LDLRAD3: variants seen among roughly 807,000 people sequenced by gnomAD.
LDLRAD3 encodes low-density lipoprotein receptor class A domain-containing protein 3.
A neutral mutation model predicts 29.4 loss-of-function variants in LDLRAD3; 20 were observed. The observed-to-expected ratio is 0.68, with a 90% CI of 0.48 to 0.99. The LOEUF is 0.99. LDLRAD3 is among the 50% of genes least tolerant of loss of function. The probability of loss-of-function intolerance (pLI) is 0.00; values close to 1 mark genes in which losing one functional copy is unlikely to be tolerated. For synonymous variants in LDLRAD3, 157 were observed against 192.7 expected, an observed-to-expected ratio of 0.81 and a Z score of 1.53; for missense variants, 420 against 454.3, an observed-to-expected ratio of 0.92 and a Z score of 0.69.
chr11:36,111,082 GGGGCCCCCTCCCTGCA>G (rs1405831996), intron 4 of LDLRAD3, among the ~76,000 whole-genome samples: 2 of 152,228 alleles, frequency 1.3e-5, no homozygotes, highest in East Asian at 3.9e-4. Flanking sequence ...CTGACTGCTG[GGGGCCCCCTCCCTGCA>G]GGATCCAATG....
rs1216242273 is a variant in LDLRAD3 at position 36,227,146 on chromosome 11, C to T, written c.516C>T (p.Ile172=). Residue 172 remains isoleucine, a synonymous_variant, in exon 5 of 6, where the codon ATC becomes ATT. Coordinates refer to ENST00000315571, the MANE Select transcript of LDLRAD3 (RefSeq NM_174902.4). ...SENQLVYYPS[I]TYAIIGSSVI... ...ACCAACTTGTGTATTACCCCAGCAT[C>T]ACCTATGCCATCATCGGCAGCTCCG... 2 of 1,613,604 alleles carry T rather than the reference C, an allele frequency of 1.2e-6. No individual in the cohort carries two copies. The highest frequency in any genetic ancestry group is 1.7e-5 in the Admixed American group (1 of 59,936).
intron 4 of LDLRAD3, among the ~76,000 whole-genome samples, chr11:36,176,372 G>T (rs890172706): frequency 6.6e-6 from 1 of 151,716 alleles, no homozygotes; most frequent in South Asian, 2.1e-4. Context: ...ACCTTGTGGG[G>T]TTCTTTTTTT....
At chr11:36,212,972 G>GA (rs1855303463) in intron 4 of LDLRAD3, among the ~76,000 whole-genome samples, 1 of 152,160 alleles carries the variant, frequency 6.6e-6, no homozygotes, top group African/African-American at 2.4e-5. Context: ...AAGAATGACT[G>GA]AAAATTTCCA....
At position 36,089,105 on chromosome 11, in the gene LDLRAD3, G is replaced by T. The variant is rs1390999807; in HGVS notation, c.319+7327G>T. 2.6e-5 allele frequency among the ~76,000 whole-genome samples: 4 copies of T among 152,170 alleles called. 1 individual carries two copies. The highest frequency in any genetic ancestry group is 6.5e-5 in the Admixed American group (1 of 15,278). ...AGCGACAAACATATACTGAATAAAT[G>T]GTACTTCTCATGCTTTCTCGTAATG... is the stretch of plus-strand genomic sequence containing the variant. On this transcript the variant is annotated intron_variant, in intron 3 of 5. Transcript: ENST00000315571.
At chr11:36,049,666 T>C (rs1490404256) in intron 2 of LDLRAD3, among the ~76,000 whole-genome samples, 1 of 152,222 alleles carries the variant, frequency 6.6e-6, no homozygotes, top group Non-Finnish European at 1.5e-5. Flanking sequence ...TTGGGTGTTC[T>C]AGAATCAGTG....
chr11:36,090,538 G>C (rs1463700509), intron 3 of LDLRAD3, among the ~76,000 whole-genome samples: 1 of 152,174 alleles, frequency 6.6e-6, no homozygotes, highest in Non-Finnish European at 1.5e-5. Context: ...CCCCGGAAAA[G>C]GCAGGGTTGG....
intron 4 of LDLRAD3, among the ~76,000 whole-genome samples, chr11:36,201,164 T>C (rs1420058350): frequency 6.6e-6 from 1 of 152,198 alleles, no homozygotes; most frequent in East Asian, 1.9e-4. Flanking sequence ...TGGTCTTCTT[T>C]GAAGGCTGGA....
At chr11:35,970,177 T>C (rs1241022621) in intron 1 of LDLRAD3, among the ~76,000 whole-genome samples, 1 of 152,186 alleles carries the variant, frequency 6.6e-6, no homozygotes, top group African/African-American at 2.4e-5. Context: ...TTGTGTCCCC[T>C]GAAAAGGTAC....
intron 2 of LDLRAD3, among the ~76,000 whole-genome samples, chr11:36,055,990 C>CTTTTT (rs67731567): frequency 1.5e-4 from 14 of 95,364 alleles, no homozygotes; most frequent in South Asian, 4.9e-4. Context: ...ACAGCTTGCC[C>CTTTTT]TTTTTTTTTT....
chr11:36,172,261 T>C (rs1854608647), intron 4 of LDLRAD3, among the ~76,000 whole-genome samples: 1 of 152,174 alleles, frequency 6.6e-6, no homozygotes, highest in South Asian at 2.1e-4. Context: ...AGGTATATGA[T>C]CATATCATAA....
intron 4 of LDLRAD3, among the ~76,000 whole-genome samples, chr11:36,100,686 C>T (rs1026012341): frequency 6.6e-6 from 1 of 152,208 alleles, no homozygotes; most frequent in African/African-American, 2.4e-5. Context: ...ATCTGCCTGC[C>T]TCAGCCTCCC....
chr11:36,013,373 G>T (rs1302611163), intron 1 of LDLRAD3, among the ~76,000 whole-genome samples: 1 of 152,076 alleles, frequency 6.6e-6, no homozygotes, highest in African/African-American at 2.4e-5. Flanking sequence ...ATGTGCCATG[G>T]TGGTTTGCTG....
intron 1 of LDLRAD3, among the ~76,000 whole-genome samples, chr11:35,981,656 G>A (rs562120201): frequency 6.6e-6 from 1 of 152,236 alleles, no homozygotes; most frequent in South Asian, 2.1e-4. Context: ...GTCGATTTCA[G>A]TAGGGCCTTC....
intron 4 of LDLRAD3, among the ~76,000 whole-genome samples, chr11:36,166,695 T>A (rs1396389664): frequency 6.6e-6 from 1 of 152,204 alleles, no homozygotes; most frequent in Non-Finnish European, 1.5e-5. Flanking sequence ...CCTTTTATTA[T>A]AAATACTGTA....
intron 4 of LDLRAD3, among the ~76,000 whole-genome samples, chr11:36,205,571 C>G (rs1855195009): frequency 6.6e-6 from 1 of 152,170 alleles, no homozygotes; most frequent in Admixed American, 6.5e-5. Context: ...GTTATTCCCC[C>G]AAAGTCTTTA....
Position 35,997,005 on chromosome 11 carries a change from A to G in LDLRAD3, c.47-39098A>G, listed in dbSNP as rs1250736124. ...TTCTAAGCCTTAGTTTCTCATGTCAAACAAGGACAGTGATGTCCTTGCCTC... is the reference window on the plus strand; with the variant it reads ...TTCTAAGCCTTAGTTTCTCATGTCAGACAAGGACAGTGATGTCCTTGCCTC... On this transcript the variant is annotated intron_variant, in intron 1 of 5. Transcript: ENST00000315571. 2.6e-5 allele frequency among the ~76,000 whole-genome samples: 4 copies of G among 152,178 alleles called. No homozygotes were observed. In the East Asian group the frequency reaches 7.7e-4, roughly 29 times the overall value.
intron 1 of LDLRAD3, among the ~76,000 whole-genome samples, chr11:35,982,666 C>T (rs1270751635): frequency 1.3e-5 from 2 of 152,110 alleles, no homozygotes; most frequent in Non-Finnish European, 2.9e-5. Flanking sequence ...CTGCCACTTG[C>T]CCCACAGTCT....
intron 4 of LDLRAD3, among the ~76,000 whole-genome samples, chr11:36,114,683 A>AT (rs1249965732): frequency 6.6e-6 from 1 of 151,876 alleles, no homozygotes; most frequent in Admixed American, 6.5e-5. Flanking sequence ...CCTTTTATAG[A>AT]TTTTTCCTCA....
At chr11:36,060,303 G>C (rs190044973) in intron 2 of LDLRAD3, among the ~76,000 whole-genome samples, 61 of 148,518 alleles carry the variant, frequency 4.1e-4, no homozygotes, top group African/African-American at 1.5e-3. Context: ...GCAGTGAGCT[G>C]AGATTGCGCC....
Sources: gnomAD v4.1 joint callset for allele counts (sites outside exome capture counted in the v4.1 genomes callset) on GRCh38, gnomAD v4.1.1 for gene constraint, MANE v1.5 for transcripts, NCBI Gene and HGNC (gene_info 2026-07-23, HGNC 2026-07-21) for gene names.